TULP3: variants seen among roughly 807,000 people sequenced by gnomAD.
TULP3 encodes the protein TUB like protein 3, also known as tubby-related protein 3.
TULP3 carries 38 observed loss-of-function variants against 50.7 expected under a neutral mutation model. The observed-to-expected ratio is 0.75, with a 90% CI of 0.58 to 0.98. The LOEUF (loss-of-function observed/expected upper bound fraction) is 0.98. Among genes scored for constraint, TULP3 ranks in the 50% least tolerant of loss-of-function variants. TULP3 has a pLI of 0.00. For synonymous variants in TULP3, 183 were observed against 196.6 expected (o/e 0.93, Z 0.58); for missense variants, 550 against 568.0 (o/e 0.97, Z 0.32).
At position 2,890,969 on chromosome 12, in the gene TULP3, C is replaced by T. The variant is rs770889122; in HGVS notation, c.22C>T (p.Leu8Phe). 6.3e-7 allele frequency: 1 copy of T among 1,597,230 alleles called. No homozygotes were observed. Among genetic ancestry groups the T allele is most frequent in the East Asian group, 2.3e-5 (1 of 43,576 alleles). The part of the protein sequence containing the change: MEASRCR[L>F]SPSGDSVFHE... ...GGGCATGGAGGCTTCGCGCTGCCGG[C>T]TCAGTCCCAGCGGCGACAGGTCAGA... Residue 8 changes from leucine to phenylalanine, a missense_variant, in exon 1 of 11, where the codon CTC becomes TTC. Coordinates refer to ENST00000448120, the MANE Select transcript of TULP3 (RefSeq NM_003324.5).
At position 2,906,116 on chromosome 12, in the gene TULP3, C is replaced by T. The variant is rs553819763; in HGVS notation, c.42-3413C>T. On this transcript the variant is annotated intron_variant, in intron 1 of 10. Coordinates refer to ENST00000448120, the MANE Select transcript of TULP3 (RefSeq NM_003324.5). ...CGCCATCTTGGGTCACTGCAACCTC[C>T]GCCTCCCAGGTTCACACGATTCTCC... Among the ~76,000 whole-genome samples the T allele has an allele frequency of 8.6e-5, 13 of 150,804 alleles. No individual in the cohort carries two copies. In the East Asian group the frequency reaches 1.8e-3, roughly 21 times the overall value.
chr12:2,922,317 A>G lies in TULP3; in HGVS notation c.309A>G (p.Val103=), dbSNP rs2098192277. The G allele has an allele frequency of 1.2e-6, 2 of 1,614,044 alleles. No individual in the cohort carries two copies. Among genetic ancestry groups the G allele is most frequent in the South Asian group, 2.2e-5 (2 of 91,094 alleles). ...CAGACGAAGTTCATGCTCCATCAGT[A>G]AGCTCCTCTGTTGTGGAAGAAGATG... ...LKPDEVHAPS[V]SSSVVEEDAE... The change falls in exon 4 of 11, where the codon GTA becomes GTG. Residue 103 remains valine (V), a synonymous_variant. Coordinates refer to ENST00000448120, the MANE Select transcript of TULP3 (RefSeq NM_003324.5).
chr12:2,918,189 C>T (rs893317611), intron 2 of TULP3, among the ~76,000 whole-genome samples: 3 of 152,096 alleles, frequency 2.0e-5, no homozygotes, highest in Non-Finnish European at 1.5e-5. Context: ...TCTCGGCTCA[C>T]GGCAACCTCT....
chr12:2,891,602 A>G (rs2098172141), intron 1 of TULP3, among the ~76,000 whole-genome samples: 1 of 152,178 alleles, frequency 6.6e-6, no homozygotes. Flanking sequence ...CGGAAAAAAA[A>G]GGATCCAAAA....
In TULP3 at chr12:2,939,513, C is replaced by G. The variant is rs1188179708; in HGVS notation, c.*69C>G. The G allele has an allele frequency of 6.3e-7, 1 of 1,589,674 alleles. No homozygotes were observed. The highest frequency in any genetic ancestry group is 8.5e-7 in the Non-Finnish European group (1 of 1,170,168). ...GGAGCAGACAGTGGCCTCCCCTTCC[C>G]CTCCCTGCCCCAGGACTTAAAGAGC... On this transcript the variant is annotated 3_prime_UTR_variant, in exon 11 of 11. Transcript: ENST00000448120. This position sits in a 1 kb window ranked among gnomAD's most constrained non-coding sequence, Gnocchi z 4.0.
At chr12:2,929,783 G>T (rs1242741400) in intron 4 of TULP3, among the ~76,000 whole-genome samples, 2 of 151,832 alleles carry the variant, frequency 1.3e-5, no homozygotes. Context: ...TAGAGATGGG[G>T]TTTCACCATG....
chr12:2,940,286 C>T lies in TULP3; in HGVS notation c.*842C>T, dbSNP rs1191613114. On this transcript the variant is annotated 3_prime_UTR_variant, in exon 11 of 11. Coordinates refer to ENST00000448120, the MANE Select transcript of TULP3 (RefSeq NM_003324.5). Reference sequence around the variant, plus strand: ...TCCTGTGCAAACACTTTGTCATTATCAAGAGAGATGGCAGTATTGACCATT... The same window carrying T: ...TCCTGTGCAAACACTTTGTCATTATTAAGAGAGATGGCAGTATTGACCATT... 1 of 1,418,776 alleles carries T rather than the reference C, an allele frequency of 7.0e-7. No individual in the cohort carries two copies. The highest frequency in any genetic ancestry group is 9.3e-7 in the Non-Finnish European group (1 of 1,075,628). The allele number at this position is 1,418,776 out of a possible 1,614,324, so 87.9% of individuals were successfully genotyped here. A position where few individuals can be genotyped will look rare whatever the true frequency, so the allele number is the denominator to read the frequency against.
In TULP3 at chr12:2,909,598, T is replaced by C. The variant is rs535890709; in HGVS notation, c.93+18T>C. On this transcript the variant is annotated intron_variant, in intron 2 of 10. Transcript: ENST00000448120. ...ATTATCAGGTGAGCAGAGTCTCCTC[T>C]TTTGAAATAGGTGGCCAACTATACT... 17 of 1,582,428 alleles carry C rather than the reference T, an allele frequency of 1.1e-5. No individual in the cohort carries two copies. The highest frequency in any genetic ancestry group is 1.7e-4 in the Middle Eastern group (1 of 5,954).
intron 1 of TULP3, among the ~76,000 whole-genome samples, chr12:2,907,525 G>A (rs2098183052): frequency 6.7e-6 from 1 of 149,988 alleles, no homozygotes; most frequent in Non-Finnish European, 1.5e-5. Context: ...GTGCATGCCT[G>A]TAGTTCTAGC....
In TULP3 at chr12:2,934,522, A is replaced by G; in HGVS notation, c.885A>G (p.Gly295=). ...CCATGAAGGGCCGGGGTTTGGTAGG[A>G]GCGGCCCACACCCGGCAGGAGCTGG... The part of the protein sequence containing the change: ...ICPMKGRGLV[G]AAHTRQELAA... The change falls in exon 8 of 11, where the codon GGA becomes GGG. Residue 295 remains glycine, a synonymous_variant. Transcript: ENST00000448120. The G allele has an allele frequency of 6.2e-7, 1 of 1,602,376 alleles. No homozygotes were observed. Among genetic ancestry groups the G allele is most frequent in the South Asian group, 1.1e-5 (1 of 89,056 alleles).
chr12:2,933,142 G>A (rs1048260157), intron 6 of TULP3, among the ~76,000 whole-genome samples: 9 of 151,890 alleles, frequency 5.9e-5, no homozygotes, highest in African/African-American at 1.9e-4. Flanking sequence ...CAGGGTTTAC[G>A]GTGTTAGCCA....
At chr12:2,899,453 C>G (rs1423147697) in intron 1 of TULP3, among the ~76,000 whole-genome samples, 1 of 151,780 alleles carries the variant, frequency 6.6e-6, no homozygotes, top group African/African-American at 2.4e-5. Context: ...AGCCCCTGTG[C>G]TAAATCATAA....
chr12:2,907,398 C>G (rs1337319413), intron 1 of TULP3, among the ~76,000 whole-genome samples: 1 of 149,226 alleles, frequency 6.7e-6, no homozygotes, highest in Non-Finnish European at 1.5e-5. Flanking sequence ...TCGCTTGAAC[C>G]TGGGAGGCAG....
intron 1 of TULP3, among the ~76,000 whole-genome samples, chr12:2,893,204 C>T (rs1188785436): frequency 2.0e-5 from 3 of 152,042 alleles, no homozygotes; most frequent in African/African-American, 7.2e-5. Flanking sequence ...GTGTGAGTCA[C>T]CAAATGTTTC....
intron 2 of TULP3, among the ~76,000 whole-genome samples, chr12:2,909,880 G>A (rs920232397): frequency 2.0e-5 from 3 of 152,210 alleles, no homozygotes; most frequent in African/African-American, 7.2e-5. Flanking sequence ...TTGTATTTCT[G>A]TGTAGTAATT....
At chr12:2,911,592 C>G (rs1356044333) in intron 2 of TULP3, among the ~76,000 whole-genome samples, 3 of 148,534 alleles carry the variant, frequency 2.0e-5, no homozygotes, top group Non-Finnish European at 4.4e-5. Context: ...GTCTCGAACT[C>G]CTGACCTCAT....
At chr12:2,905,610 T>A (rs904659208) in intron 1 of TULP3, among the ~76,000 whole-genome samples, 10 of 152,300 alleles carry the variant, frequency 6.6e-5, no homozygotes, top group African/African-American at 2.4e-4. Context: ...ATGTTACAGT[T>A]ACTTAACATG....
chr12:2,908,146 A>G (rs2098183455), intron 1 of TULP3, among the ~76,000 whole-genome samples: 1 of 152,222 alleles, frequency 6.6e-6, no homozygotes, highest in Non-Finnish European at 1.5e-5. Context: ...GTAGGAATAT[A>G]GTGGCACACC....
At chr12:2,912,852 C>G (rs1406882550) in intron 2 of TULP3, among the ~76,000 whole-genome samples, 2 of 152,274 alleles carry the variant, frequency 1.3e-5, no homozygotes, top group East Asian at 3.9e-4. Flanking sequence ...AGGATTAATT[C>G]ACCTCTTCTG....
Sources: gnomAD v4.1 joint callset for allele counts (sites outside exome capture counted in the v4.1 genomes callset) on GRCh38, gnomAD v4.1.1 for gene constraint, Gnocchi (gnomAD v3.1) non-coding constraint, MANE v1.5 for transcripts, NCBI Gene and HGNC (gene_info 2026-07-23, HGNC 2026-07-21) for gene names.